The following ZMAT4 variants were observed in gnomAD, a reference collection of about 807,000 sequenced individuals.
The protein encoded by ZMAT4 is zinc finger matrin-type 4, also known as zinc finger matrin-type protein 4.
ZMAT4 carries 17 observed loss-of-function variants against 28.7 expected under a neutral mutation model. That is an observed-to-expected ratio of 0.59 (90% CI 0.41 to 0.89). ZMAT4 has a LOEUF of 0.89. Among genes scored for constraint, ZMAT4 ranks in the 40% least tolerant of loss-of-function variants. The pLI is 0.00. For synonymous variants in ZMAT4, 117 were observed against 109.2 expected, an observed-to-expected ratio of 1.07 and a Z score of -0.44; for missense variants, 240 against 283.8, an observed-to-expected ratio of 0.85 and a Z score of 1.11.
intron 2 of ZMAT4, among the ~76,000 whole-genome samples, chr8:40,786,114 T>C (rs1056507166): frequency 6.6e-6 from 1 of 152,176 alleles, no homozygotes; most frequent in African/African-American, 2.4e-5. Flanking sequence ...CAGAAGAAAT[T>C]TGTGCCTTAA....
intron 5 of ZMAT4, among the ~76,000 whole-genome samples, chr8:40,606,576 G>A (rs1314740089): frequency 6.6e-6 from 1 of 152,194 alleles, no homozygotes; most frequent in East Asian, 1.9e-4. Flanking sequence ...TTCCTTTACA[G>A]GTTACCTGAT....
intron 2 of ZMAT4, among the ~76,000 whole-genome samples, chr8:40,808,849 T>TA (rs1815199304): frequency 4.3e-5 from 5 of 116,852 alleles, no homozygotes; most frequent in African/African-American, 1.5e-4. Context: ...TGCCAACTAT[T>TA]TAAAAAAAAA....
At chr8:40,888,021 C>T (rs532140988) in intron 1 of ZMAT4, among the ~76,000 whole-genome samples, 4 of 152,312 alleles carry the variant, frequency 2.6e-5, no homozygotes, top group South Asian at 4.1e-4. Context: ...TTGGGACCCT[C>T]TGCCTCCATG....
intron 1 of ZMAT4, among the ~76,000 whole-genome samples, chr8:40,892,609 A>G (rs925042123): frequency 6.6e-6 from 1 of 152,260 alleles, no homozygotes; most frequent in Admixed American, 6.5e-5. Flanking sequence ...AAAATGAACT[A>G]CAAAGCAAAT....
At chr8:40,604,480 T>C (rs778020127) in intron 5 of ZMAT4, among the ~76,000 whole-genome samples, 18 of 152,206 alleles carry the variant, frequency 1.2e-4, no homozygotes, top group Non-Finnish European at 2.5e-4. Flanking sequence ...GAGATGATCA[T>C]ATGATTTTTG....
intron 4 of ZMAT4, among the ~76,000 whole-genome samples, chr8:40,690,658 G>A (rs1306674440): frequency 6.6e-6 from 1 of 152,072 alleles, no homozygotes; most frequent in Non-Finnish European, 1.5e-5. Context: ...TGAACCTAGA[G>A]TGCATGTATT....
intron 4 of ZMAT4, among the ~76,000 whole-genome samples, chr8:40,693,867 G>T (rs968961589): frequency 6.6e-6 from 1 of 152,196 alleles, no homozygotes; most frequent in Non-Finnish European, 1.5e-5. Flanking sequence ...GGGGTGGAAA[G>T]GTAGTGATTC....
intron 3 of ZMAT4, among the ~76,000 whole-genome samples, chr8:40,728,268 A>G (rs1485366069): frequency 6.6e-6 from 1 of 152,232 alleles, no homozygotes; most frequent in Non-Finnish European, 1.5e-5. Flanking sequence ...CTTAGCATCA[A>G]GGATTTAAAG....
At chr8:40,632,564 G>A (rs1806633336) in intron 5 of ZMAT4, among the ~76,000 whole-genome samples, 1 of 152,084 alleles carries the variant, frequency 6.6e-6, no homozygotes, top group South Asian at 2.1e-4. Context: ...GTTTATGAAA[G>A]ACTGAGACAA....
intron 3 of ZMAT4, among the ~76,000 whole-genome samples, chr8:40,731,993 T>G (rs1006561137): frequency 1.3e-5 from 2 of 152,192 alleles, no homozygotes; most frequent in Admixed American, 6.5e-5. Flanking sequence ...TACTGTGCGA[T>G]TCCACTTACA....
chr8:40,802,749 A>C (rs1198518380), intron 2 of ZMAT4, among the ~76,000 whole-genome samples: 1 of 152,204 alleles, frequency 6.6e-6, no homozygotes, highest in Non-Finnish European at 1.5e-5. Context: ...AGAGAGGCAA[A>C]AAACCAAAAT....
At chr8:40,693,503 A>C (rs968824213) in intron 4 of ZMAT4, among the ~76,000 whole-genome samples, 1 of 151,736 alleles carries the variant, frequency 6.6e-6, no homozygotes, top group African/African-American at 2.4e-5. Flanking sequence ...TTATACAGAC[A>C]CTCACCCTAG....
At chr8:40,659,857 C>T (rs549657786) in intron 5 of ZMAT4, among the ~76,000 whole-genome samples, 35 of 152,282 alleles carry the variant, frequency 2.3e-4, no homozygotes, top group African/African-American at 5.5e-4. Context: ...GAATCCACTA[C>T]GCTGAACCTT....
intron 6 of ZMAT4, among the ~76,000 whole-genome samples, chr8:40,555,757 C>T (rs1803513188): frequency 6.6e-6 from 1 of 152,142 alleles, no homozygotes; most frequent in South Asian, 2.1e-4. Flanking sequence ...CCCCAGCCTC[C>T]TTCACTAGAT....
intron 3 of ZMAT4, among the ~76,000 whole-genome samples, chr8:40,727,814 A>G (rs1247857898): frequency 1.4e-5 from 2 of 137,988 alleles, no homozygotes; most frequent in African/African-American, 5.7e-5. Flanking sequence ...AGGTTAAGAC[A>G]AGATAAAAAT....
chr8:40,768,832 A>G (rs962012402), intron 2 of ZMAT4, among the ~76,000 whole-genome samples: 1 of 152,058 alleles, frequency 6.6e-6, no homozygotes, highest in African/African-American at 2.4e-5. Context: ...TCCTTTACTC[A>G]GAGGTTATTT....
intron 5 of ZMAT4, among the ~76,000 whole-genome samples, chr8:40,646,879 C>G (rs1049296508): frequency 1.3e-5 from 2 of 152,186 alleles, no homozygotes; most frequent in African/African-American, 4.8e-5. Flanking sequence ...GAACACTTCA[C>G]TCGTAAAAAA....
intron 2 of ZMAT4, among the ~76,000 whole-genome samples, chr8:40,790,881 A>G (rs1247326801): frequency 6.6e-6 from 1 of 152,236 alleles, no homozygotes; most frequent in Non-Finnish European, 1.5e-5. Context: ...CTGCTTCAAG[A>G]TTATCAAAAA....
intron 1 of ZMAT4, among the ~76,000 whole-genome samples, chr8:40,891,285 G>A (rs1390848166): frequency 1.2e-4 from 17 of 140,502 alleles, no homozygotes; most frequent in Admixed American, 1.2e-3. Context: ...GGAAATTGAA[G>A]ACAGTGTGGT....
Sources: gnomAD v4.1 joint callset for allele counts (sites outside exome capture counted in the v4.1 genomes callset) on GRCh38, gnomAD v4.1.1 for gene constraint, MANE v1.5 for transcripts, NCBI Gene and HGNC (gene_info 2026-07-23, HGNC 2026-07-21) for gene names.